The following SLC24A1 variants were observed in gnomAD, a reference collection of about 807,000 sequenced individuals.
The protein encoded by SLC24A1 is solute carrier family 24 member 1, also known as sodium/potassium/calcium exchanger 1.
In SLC24A1, 52 loss-of-function variants were observed where a neutral mutation model predicts 88.1. The ratio of observed to expected loss-of-function variants is 0.59; its 90% CI spans 0.47 to 0.74. The LOEUF (loss-of-function observed/expected upper bound fraction) is 0.74, where lower values mean the gene tolerates loss of function less well. SLC24A1 is among the 30% of genes least tolerant of loss of function. The pLI is 0.00. For missense variants in SLC24A1, 1,173 were observed against 1,363.3 expected, an observed-to-expected ratio of 0.86 and a Z score of 2.20; for synonymous variants, 455 against 498.0, an observed-to-expected ratio of 0.91 and a Z score of 1.15.
At position 65,625,985 on chromosome 15, in the gene SLC24A1, G is replaced by A. The variant is rs911751572; in HGVS notation, c.1890+15G>A. ...ACCTCAGCAAGGTAAGGACAAATTG[G>A]CTCAGGTTTCTCTAGCCCCTTTGAG... On this transcript the variant is annotated intron_variant, in intron 2 of 9. Transcript: ENST00000261892. 3 of 1,595,166 alleles carry A rather than the reference G, an allele frequency of 1.9e-6. No homozygotes were observed. Among genetic ancestry groups the A allele is most frequent in the Non-Finnish European group, 2.6e-6 (3 of 1,163,042 alleles).
intron 1 of SLC24A1, among the ~76,000 whole-genome samples, 154 bp downstream of exon 1, chr15:65,622,246 G>A (rs915684263): frequency 1.3e-4 from 20 of 152,322 alleles, no homozygotes; most frequent in East Asian, 1.2e-3. Flanking sequence ...GGCAAGGATC[G>A]GGGGGCTGCA....
chr15:65,660,291 T>G, downstream of SLC24A1: 1 of 1,535,148 alleles, frequency 6.5e-7, no homozygotes, highest in South Asian at 1.2e-5. Flanking sequence ...TTGGAAGCTG[T>G]GAAATGTTTC....
chr15:65,651,740 T>C lies in SLC24A1; in HGVS notation c.2864T>C (p.Met955Thr), dbSNP rs557817834. The stretch of plus-strand genomic sequence containing the variant: ...TGGATAGCCATGTTCTCATACCTCA[T>C]GGTGTGGTGGGCTCACCAGGTGAGT... The part of the protein sequence containing the change: ...IMWIAMFSYL[M>T]VWWAHQVGET... Residue 955 changes from methionine (M) to threonine (T), a missense_variant, in exon 8 of 10, where the codon ATG becomes ACG. Physicochemically the swap from Met to Thr is moderately conservative, Grantham distance 81. Transcript: ENST00000261892. The C allele has an allele frequency of 1.2e-6, 2 of 1,604,414 alleles. No individual in the cohort carries two copies. The highest frequency in any genetic ancestry group is 1.3e-5 in the African/African-American group (1 of 74,876).
intron 2 of SLC24A1, among the ~76,000 whole-genome samples, chr15:65,614,001 T>C (rs561987023): frequency 4.1e-4 from 62 of 152,236 alleles, no homozygotes; most frequent in African/African-American, 1.3e-3. Flanking sequence ...TCCAGCCCCT[T>C]CCTCTCATCA....
chr15:65,654,244 A>G lies in SLC24A1; in HGVS notation c.*165A>G. 7.1e-7 allele frequency: 1 copy of G among 1,416,628 alleles called. No homozygotes were observed. The highest frequency in any genetic ancestry group is 9.2e-7 in the Non-Finnish European group (1 of 1,091,504). 87.8% of individuals were successfully genotyped at this position (1,416,628 alleles called of 1,614,324 possible). On this transcript the variant is annotated 3_prime_UTR_variant, in exon 10 of 10. Coordinates refer to ENST00000261892, the MANE Select transcript of SLC24A1 (RefSeq NM_004727.3). ...CTGAGACTAAAGTTTGTCCTTGGAA[A>G]CACCTGCAGCTCATTGTGGATTAAG...
chr15:65,634,740 C>CAAAA (rs5813364), intron 2 of SLC24A1, among the ~76,000 whole-genome samples: 5 of 90,532 alleles, frequency 5.5e-5, no homozygotes, highest in African/African-American at 1.6e-4. Flanking sequence ...TCAAAAGCAC[C>CAAAA]AAAAAAAAAA....
rs1169716005 is a variant in SLC24A1, at chr15:65,638,143, A to G, written c.1906A>G (p.Ile636Val). Residue 636 changes from isoleucine (I) to valine (V), a missense_variant, in exon 3 of 10, where the codon ATT (isoleucine) becomes GTT (valine). By Grantham distance (29) the Ile-to-Val change is conservative (BLOSUM62 3). Transcript: ENST00000261892. Reference protein sequence around the residue: ...EDLSKPGDGAIAVDELQDNKK... With the variant: ...EDLSKPGDGAVAVDELQDNKK... Reference sequence around the variant, plus strand: ...CTGTTTGCAGCCGGGCGATGGGGCCATTGCGGTGGATGAGCTACAGGATAA... The same window carrying G: ...CTGTTTGCAGCCGGGCGATGGGGCCGTTGCGGTGGATGAGCTACAGGATAA... The G allele has an allele frequency of 1.2e-5, 19 of 1,610,590 alleles. No individual in the cohort carries two copies. The highest frequency in any genetic ancestry group is 1.6e-5 in the Non-Finnish European group (19 of 1,178,386).
intron 5 of SLC24A1, among the ~76,000 whole-genome samples, chr15:65,645,191 CAG>C (rs1381475350): frequency 6.6e-6 from 1 of 152,230 alleles, no homozygotes; most frequent in African/African-American, 2.4e-5. Context: ...CCTAGCTCTC[CAG>C]ACTTTCCAAG....
chr15:65,657,429 CAGT>C (rs2075718898), downstream of SLC24A1, among the ~76,000 whole-genome samples: 1 of 152,058 alleles, frequency 6.6e-6, no homozygotes, highest in African/African-American at 2.4e-5. Flanking sequence ...ATCACGAGGT[CAGT>C]AGATCGAGAC....
rs1240073535 is a variant in SLC24A1 at position 65,625,445 on chromosome 15, G to GGT, written c.1366_1367dup (p.Leu457SerfsTer7). The GGT allele has an allele frequency of 1.2e-6, 2 of 1,613,928 alleles. No homozygotes were observed. The highest frequency in any genetic ancestry group is 1.7e-6 in the Non-Finnish European group (2 of 1,179,908). On this transcript the variant is annotated frameshift_variant, in exon 2 of 10. Coordinates refer to ENST00000261892, the MANE Select transcript of SLC24A1 (RefSeq NM_004727.3). LOFTEE classifies it high-confidence loss of function. ...TGGAGGAGCGGCGGCAGGGCTGGGT[G>GGT]GTCCTGCACGTTTTTGGCATGATGT...
At chr15:65,634,812 GAA>G (rs1023536453) in intron 2 of SLC24A1, among the ~76,000 whole-genome samples, 1 of 145,754 alleles carries the variant, frequency 6.9e-6, no homozygotes, top group Non-Finnish European at 1.5e-5. Flanking sequence ...TAAACAAAAA[GAA>G]AAAAAAGAAA....
At chr15:65,644,094 TGAG>T in intron 4 of SLC24A1, 1 of 289,214 alleles carries the variant, frequency 3.5e-6, no homozygotes, top group South Asian at 4.5e-5. Context: ...GGCCATCACT[TGAG>T]CTTGTAAAGG....
intron 3 of SLC24A1, 32 bp from the exon 4 acceptor site, chr15:65,639,563 G>T: frequency 9.1e-7 from 1 of 1,096,820 alleles, no homozygotes; most frequent in East Asian, 2.5e-5. Context: ...GGCTTGGACA[G>T]GGGCCCACTG....
rs2075669596 is a variant in SLC24A1 at position 65,655,950 on chromosome 15, T to C, written c.*1871T>C. The C allele has an allele frequency of 1.0e-6, 1 of 985,044 alleles. No homozygotes were observed. Among genetic ancestry groups the C allele is most frequent in the Admixed American group, 6.1e-5 (1 of 16,270 alleles). The allele number at this position is 985,044 out of a possible 1,614,324, so 61.0% of individuals were successfully genotyped here. A position where few individuals can be genotyped will look rare whatever the true frequency, so the allele number is the denominator to read the frequency against. On this transcript the variant is annotated 3_prime_UTR_variant, in exon 10 of 10. Transcript: ENST00000261892. Reference sequence around the variant, plus strand: ...AAGACTGATGAAGAGTATGGAATCATGTTCCAATTCTATATTCTTAATTAT... The same window carrying C: ...AAGACTGATGAAGAGTATGGAATCACGTTCCAATTCTATATTCTTAATTAT...
chr15:65,630,526 G>C (rs1411847656), intron 2 of SLC24A1, among the ~76,000 whole-genome samples: 2 of 152,148 alleles, frequency 1.3e-5, no homozygotes, highest in African/African-American at 4.8e-5. Context: ...AGACTCCAGG[G>C]AACTCACTGT....
intron 2 of SLC24A1, among the ~76,000 whole-genome samples, chr15:65,629,627 A>G (rs1245521893): frequency 6.6e-6 from 1 of 152,238 alleles, no homozygotes; most frequent in African/African-American, 2.4e-5. Context: ...TAAATCTCTG[A>G]CCTGCCTTGA....
At chr15:65,640,951 C>T (rs1259944327) in intron 4 of SLC24A1, among the ~76,000 whole-genome samples, 1 of 152,110 alleles carries the variant, frequency 6.6e-6, no homozygotes, top group Non-Finnish European at 1.5e-5. Context: ...ATCCCAGCTA[C>T]TTGGGAGGCT....
Position 65,624,200 on chromosome 15 carries a change from C to T in SLC24A1, c.120C>T (p.His40=), listed in dbSNP as rs2074417233. 1.2e-6 allele frequency: 2 copies of T among 1,613,880 alleles called. No homozygotes were observed. The highest frequency in any genetic ancestry group is 2.2e-5 in the East Asian group (1 of 44,878). The change falls in exon 2 of 10, where the codon CAC becomes CAT. Residue 40 remains histidine (H), a synonymous_variant. Transcript: ENST00000261892. ...TGATCATCGGTTCTACTTATCAGCA[C>T]CTTAGGAGACCCCGGGGCCTTTCCT... ...GMLIIGSTYQ[H]LRRPRGLSSL...
chr15:65,616,774 G>A (rs973804064), intron 2 of SLC24A1, among the ~76,000 whole-genome samples: 1 of 152,086 alleles, frequency 6.6e-6, no homozygotes, highest in Non-Finnish European at 1.5e-5. Flanking sequence ...CATTGCTCTT[G>A]GTGTTTTAGT....
Sources: gnomAD v4.1 joint callset for allele counts (sites outside exome capture counted in the v4.1 genomes callset) on GRCh38, gnomAD v4.1.1 for gene constraint, MANE v1.5 for transcripts, NCBI Gene and HGNC (gene_info 2026-07-23, HGNC 2026-07-21) for gene names.